Variants in PRP4K observed in about 807,000 individuals in gnomAD.
PRP4K encodes serine/threonine-protein kinase PRP4 homolog.
the PRP4K span, among the ~76,000 whole-genome samples, chr6:4,055,465 T>C: frequency 1.3e-5 from 2 of 152,224 alleles, no homozygotes; most frequent in African/African-American, 4.8e-5. Flanking sequence ...AGAGACTGCC[T>C]AAGGCTATAG....
chr6:4,063,812 T>C, the PRP4K span: 1 of 152,204 alleles, frequency 6.6e-6, no homozygotes, highest in African/African-American at 2.4e-5. Context: ...CCTGAATAAA[T>C]GTGCATTCCT....
the PRP4K span, among the ~76,000 whole-genome samples, chr6:4,058,333 A>C: frequency 2.6e-5 from 4 of 152,222 alleles, no homozygotes; most frequent in Admixed American, 2.0e-4. Flanking sequence ...TCTGACCTGT[A>C]TCAGGGCTGT....
chr6:4,051,775 TAA>T, the PRP4K span, among the ~76,000 whole-genome samples: 4 of 152,224 alleles, frequency 2.6e-5, no homozygotes, highest in South Asian at 8.3e-4. Context: ...TGACTAACTA[TAA>T]AGTGTTATGT....
At chr6:4,041,297 C>T in the PRP4K span, among the ~76,000 whole-genome samples, 3 of 152,262 alleles carry the variant, frequency 2.0e-5, no homozygotes, top group African/African-American at 7.2e-5. Flanking sequence ...ACATACTTTG[C>T]AATTGAGGCT....
the PRP4K span, among the ~76,000 whole-genome samples, chr6:4,029,193 A>G: frequency 6.6e-6 from 1 of 151,028 alleles, no homozygotes; most frequent in East Asian, 1.9e-4. Flanking sequence ...TCCACTTGGA[A>G]TCTTTACCTC....
chr6:4,060,285 C>G, the PRP4K span: 1 of 814,422 alleles, frequency 1.2e-6, no homozygotes, highest in African/African-American at 1.7e-5. This position sits in a 1 kb window ranked among gnomAD's most constrained non-coding sequence, Gnocchi z 4.7. Context: ...AAAATGTGCA[C>G]TGTGTGTATA....
At chr6:4,043,986 A>G in the PRP4K span, 18 of 1,614,066 alleles carry the variant, frequency 1.1e-5, no homozygotes, top group African/African-American at 2.4e-4. Flanking sequence ...CCTCAGTGAA[A>G]GCCAAGCATA....
At chr6:4,034,407 T>G in the PRP4K span, among the ~76,000 whole-genome samples, 1 of 152,202 alleles carries the variant, frequency 6.6e-6, no homozygotes, top group Non-Finnish European at 1.5e-5. Flanking sequence ...CTTTATAGAA[T>G]AGACTCATAG....
At chr6:4,027,439 A>G in the PRP4K span, among the ~76,000 whole-genome samples, 2 of 152,224 alleles carry the variant, frequency 1.3e-5, no homozygotes, top group Non-Finnish European at 2.9e-5. Context: ...TGTTGGAGGC[A>G]GCATTTAAAC....
At chr6:4,055,441 T>C in the PRP4K span, among the ~76,000 whole-genome samples, 1 of 152,232 alleles carries the variant, frequency 6.6e-6, no homozygotes, top group African/African-American at 2.4e-5. Context: ...TTTATAATAG[T>C]CCAGTCTCCC....
At chr6:4,038,740 T>G in the PRP4K span, among the ~76,000 whole-genome samples, 1 of 152,120 alleles carries the variant, frequency 6.6e-6, no homozygotes, top group African/African-American at 2.4e-5. Context: ...GCTAGTCTTC[T>G]TGCTCCAAGC....
chr6:4,022,560 C>T, the PRP4K span, among the ~76,000 whole-genome samples: 1 of 151,712 alleles, frequency 6.6e-6, no homozygotes, highest in East Asian at 1.9e-4. Context: ...TGTGACTGAG[C>T]GATAGAAGAA....
chr6:4,022,882 G>A, the PRP4K span, among the ~76,000 whole-genome samples: 3 of 152,096 alleles, frequency 2.0e-5, no homozygotes, highest in Non-Finnish European at 2.9e-5. Flanking sequence ...GTAATATTAT[G>A]TCCATTTATT....
chr6:4,049,359 A>T, the PRP4K span: 1 of 463,706 alleles, frequency 2.2e-6, no homozygotes, highest in East Asian at 3.5e-5. Flanking sequence ...CAGCCATGAG[A>T]TAGTCTTCCA....
the PRP4K span, chr6:4,032,374 G>A: frequency 2.9e-3 from 4,644 of 1,613,988 alleles, 25 homozygotes; most frequent in Non-Finnish European, 2.7e-3. Context: ...AGTAGAAGTC[G>A]CGATCGAGGT....
chr6:4,059,528 G>C, the PRP4K span, among the ~76,000 whole-genome samples: 2 of 152,216 alleles, frequency 1.3e-5, no homozygotes, highest in Non-Finnish European at 2.9e-5. Context: ...TAATACTTCA[G>C]GGTATTAACT....
chr6:4,034,178 G>A, the PRP4K span, among the ~76,000 whole-genome samples: 1 of 151,766 alleles, frequency 6.6e-6, no homozygotes, highest in African/African-American at 2.4e-5. Flanking sequence ...TAACAAAACT[G>A]GAGTCATATT....
chr6:4,054,633 A>G, the PRP4K span, among the ~76,000 whole-genome samples: 1 of 152,100 alleles, frequency 6.6e-6, no homozygotes, highest in South Asian at 2.1e-4. Flanking sequence ...CAGCCTCCCG[A>G]GTAACTGGGA....
chr6:4,055,636 G>A, the PRP4K span, among the ~76,000 whole-genome samples: 2 of 152,158 alleles, frequency 1.3e-5, no homozygotes, highest in Admixed American at 1.3e-4. Flanking sequence ...GCAGTCATGG[G>A]AGCAACTCCA....
Sources: allele counts gnomAD v4.1 joint callset (sites outside exome capture counted in the v4.1 genomes callset), GRCh38; gene constraint gnomAD v4.1.1; non-coding constraint Gnocchi (gnomAD v3.1); transcripts MANE v1.5; gene names NCBI Gene and HGNC (gene_info 2026-07-23, HGNC 2026-07-21).